Variants in XK observed in about 807,000 individuals in gnomAD.
XK encodes the protein endoplasmic reticulum membrane adapter protein XK.
Under a neutral mutation model 14.0 loss-of-function variants are expected in XK, and 2 were observed. That is an observed-to-expected ratio of 0.14 (90% CI 0.06 to 0.45). The LOEUF (loss-of-function observed/expected upper bound fraction) is 0.45, where lower values mean the gene tolerates loss of function less well. XK is among the 20% of genes least tolerant of loss of function. The pLI is 0.98. For missense variants in XK, 235 were observed against 341.5 expected (o/e 0.69, Z 2.46); for synonymous variants, 149 against 147.5 (o/e 1.01, Z -0.08).
intron 1 of XK, among the ~76,000 whole-genome samples, chrX:37,691,795 C>T (rs1053323739): frequency 9.0e-6 from 1 of 111,481 alleles, no homozygotes; most frequent in Non-Finnish European, 1.9e-5. Context: ...GGTAAAAATA[C>T]GTAGCCTGGT....
At position 37,686,008 on chromosome X, in the gene XK, C is replaced by T. The variant is rs781811704; in HGVS notation, c.47C>T (p.Ala16Val). ...SVLASVFLFV[A>V]ETTAALSLSS... Reference sequence around the variant, plus strand: ...CTGGCGTCCGTGTTCCTGTTCGTGGCCGAGACAACGGCGGCGCTCAGCCTG... The same window carrying T: ...CTGGCGTCCGTGTTCCTGTTCGTGGTCGAGACAACGGCGGCGCTCAGCCTG... The change falls in exon 1 of 3, where the codon GCC (alanine) becomes GTC (valine). Residue 16 changes from alanine (A) to valine (V), a missense_variant. Transcript: ENST00000378616. The T allele has an allele frequency of 8.3e-7, 1 of 1,208,421 alleles. No homozygotes were observed. Among genetic ancestry groups the T allele is most frequent in the Non-Finnish European group, 1.1e-6 (1 of 894,229 alleles).
At chrX:37,688,183 C>A (rs1482038768) in intron 1 of XK, among the ~76,000 whole-genome samples, 2 of 107,782 alleles carry the variant, frequency 1.9e-5, no homozygotes, top group African/African-American at 3.4e-5. Flanking sequence ...GCCTCAGCCT[C>A]CTGAGTAGCT....
At chrX:37,699,350 C>T (rs1556443194) in intron 2 of XK, among the ~76,000 whole-genome samples, 1 of 112,010 alleles carries the variant, frequency 8.9e-6, no homozygotes, top group Non-Finnish European at 1.9e-5. Flanking sequence ...ACTTTCAGTT[C>T]CAGACTTAAA....
intron 2 of XK, among the ~76,000 whole-genome samples, chrX:37,713,373 T>G (rs1927703613): frequency 8.9e-6 from 1 of 111,775 alleles, no homozygotes; most frequent in African/African-American, 3.3e-5. Flanking sequence ...CTTAATATGT[T>G]GTCCTGGAAA....
At chrX:37,695,195 T>C (rs782812988) in intron 2 of XK, among the ~76,000 whole-genome samples, 2 of 112,102 alleles carry the variant, frequency 1.8e-5, no homozygotes, top group East Asian at 5.6e-4. Flanking sequence ...GAAAATACAG[T>C]TTACCAGAGG....
Position 37,686,047 on chromosome X carries a change from G to T in XK, c.86G>T (p.Arg29Leu), listed in dbSNP as rs782398268. Residue 29 changes from arginine to leucine, a missense_variant, in exon 1 of 3, where the codon CGC (arginine) becomes CTC (leucine). Physicochemically the swap from Arg to Leu is moderately radical, Grantham distance 102. Coordinates refer to ENST00000378616, the MANE Select transcript of XK (RefSeq NM_021083.4). ...GCGCTCAGCCTGAGCAGCACCTACC[G>T]CTCGGGCGGGGACCGCATGTGGCAG... ...TAALSLSSTY[R>L]SGGDRMWQAL... The T allele has an allele frequency of 5.0e-6, 6 of 1,210,430 alleles. No individual in the cohort carries two copies. The African/African-American group carries it at 5.2e-5, about 10-fold the overall frequency.
At chrX:37,711,084 A>T (rs1927654741) in intron 2 of XK, among the ~76,000 whole-genome samples, 1 of 112,016 alleles carries the variant, frequency 8.9e-6, no homozygotes, top group South Asian at 3.7e-4. Context: ...TTCTCTCAAA[A>T]AGTTTAAATC....
At chrX:37,710,089 C>T (rs1032352181) in intron 2 of XK, among the ~76,000 whole-genome samples, 2 of 112,382 alleles carry the variant, frequency 1.8e-5, no homozygotes, top group African/African-American at 6.5e-5. Context: ...CCAATAGGGA[C>T]TAGATTTCTG....
At chrX:37,718,344 G>C (rs976628656) in intron 2 of XK, among the ~76,000 whole-genome samples, 3 of 111,535 alleles carry the variant, frequency 2.7e-5, no homozygotes, top group African/African-American at 6.5e-5. Context: ...ATGGAATCAG[G>C]GTTCTGGTTT....
Position 37,731,164 on chromosome X carries a change from C to T in XK, c.*2702C>T, listed in dbSNP as rs1321961681. On this transcript the variant is annotated 3_prime_UTR_variant, in exon 3 of 3. Transcript: ENST00000378616. Reference sequence around the variant, plus strand: ...CATAAAACAAACCAGCAACTTTTCTCATGTGTTTGGAGTTAAAATGTGTTT... The same window carrying T: ...CATAAAACAAACCAGCAACTTTTCTTATGTGTTTGGAGTTAAAATGTGTTT... 9 of 112,325 alleles carry T rather than the reference C, an allele frequency of 8.0e-5. No homozygotes were observed. The Admixed American group carries it at 8.5e-4, about 11-fold the overall frequency. 9.3% of individuals were successfully genotyped at this position (112,325 alleles called of 1,213,427 possible). A position where few individuals can be genotyped will look rare whatever the true frequency, so the allele number is the denominator to read the frequency against.
intron 2 of XK, among the ~76,000 whole-genome samples, chrX:37,707,160 C>T (rs1177293106): frequency 1.8e-5 from 2 of 112,304 alleles, no homozygotes; most frequent in East Asian, 2.8e-4. Context: ...ACCTCCCAGA[C>T]GGGGTGGTGG....
chrX:37,711,340 GCA>G (rs1927661119), intron 2 of XK, among the ~76,000 whole-genome samples: 1 of 112,023 alleles, frequency 8.9e-6, no homozygotes, highest in African/African-American at 3.2e-5. Flanking sequence ...ATGTGTCGCA[GCA>G]CACACTGCAG....
At chrX:37,719,075 G>A (rs968407802) in intron 2 of XK, among the ~76,000 whole-genome samples, 21 of 110,591 alleles carry the variant, frequency 1.9e-4, no homozygotes, top group Admixed American at 8.6e-4. Flanking sequence ...TTTTTGTTTT[G>A]ACAGAAAATG....
intron 2 of XK, among the ~76,000 whole-genome samples, chrX:37,715,093 C>CGT (rs782283598): frequency 2.8e-5 from 3 of 105,983 alleles, no homozygotes; most frequent in East Asian, 5.9e-4. Flanking sequence ...TACATGTATA[C>CGT]GTGTGTGTGT....
intron 2 of XK, among the ~76,000 whole-genome samples, chrX:37,725,588 A>G (rs73472135): frequency 0.075 from 8,256 of 110,656 alleles, 246 homozygotes; most frequent in Middle Eastern, 0.09. Flanking sequence ...AACAAATCAC[A>G]CCCATTGGTA....
intron 2 of XK, among the ~76,000 whole-genome samples, chrX:37,706,980 CAGA>C (rs376826989): frequency 0.17 from 19,505 of 111,792 alleles, 1,806 homozygotes; most frequent in Non-Finnish European, 0.27. Flanking sequence ...CATCCCAAGG[CAGA>C]AGAATTTTTC....
intron 2 of XK, among the ~76,000 whole-genome samples, chrX:37,721,084 C>T (rs1180313731): frequency 2.7e-5 from 3 of 111,125 alleles, no homozygotes; most frequent in Non-Finnish European, 5.7e-5. Flanking sequence ...GAGAAATCTT[C>T]ACACTGTTTT....
At chrX:37,723,660 C>T (rs782172707) in intron 2 of XK, among the ~76,000 whole-genome samples, 7 of 110,664 alleles carry the variant, frequency 6.3e-5, no homozygotes, top group Admixed American at 2.9e-4. Context: ...CATAGTATTG[C>T]TTAAAGCAAT....
chrX:37,694,360 G>C lies in XK; in HGVS notation c.320G>C (p.Arg107Thr). The C allele has an allele frequency of 8.3e-7, 1 of 1,210,423 alleles. No individual in the cohort carries two copies. ...EEPYVSITKK[R>T]QMPKNGLSEE... is the part of the protein sequence containing the mutation. ...CCTTATGTCAGTATCACCAAGAAGA[G>C]GCAAATGCCAAAAAATGGCCTCTCA... Residue 107 changes from arginine (R) to threonine (T), a missense_variant, in exon 2 of 3, where the codon AGG becomes ACG. Coordinates refer to ENST00000378616, the MANE Select transcript of XK (RefSeq NM_021083.4).
Sources: allele counts gnomAD v4.1 joint callset (sites outside exome capture counted in the v4.1 genomes callset), GRCh38; gene constraint gnomAD v4.1.1; transcripts MANE v1.5; gene names NCBI Gene and HGNC (gene_info 2026-07-23, HGNC 2026-07-21).